GPHN: variants seen among roughly 807,000 people sequenced by gnomAD.
GPHN encodes gephyrin.
Under a neutral mutation model 95.5 loss-of-function variants are expected in GPHN, and 17 were observed. The ratio of observed to expected loss-of-function variants is 0.18; its 90% CI spans 0.12 to 0.27. The LOEUF (loss-of-function observed/expected upper bound fraction) is 0.27. Among genes scored for constraint, GPHN ranks in the 10% least tolerant of loss-of-function variants. The pLI, the probability that GPHN is intolerant of heterozygous loss-of-function variation, is 1.00. For synonymous variants in GPHN, 320 were observed against 322.5 expected (o/e 0.99, Z 0.08); for missense variants, 660 against 978.1 (o/e 0.67, Z 4.34).
At chr14:67,301,271 T>C in the GPHN span, 2 of 506,794 alleles carry the variant, frequency 3.9e-6, no homozygotes, top group Non-Finnish European at 6.9e-6. Flanking sequence ...TTAGTGATTT[T>C]ATTTCTTACA....
At chr14:67,004,604 G>A (rs540226692) in intron 9 of GPHN, among the ~76,000 whole-genome samples, 15 of 151,804 alleles carry the variant, frequency 9.9e-5, no homozygotes, top group Middle Eastern at 3.4e-3. Flanking sequence ...AAGTCTGTAG[G>A]AAAATCACCA....
At chr14:66,573,543 C>T (rs977598313) in intron 1 of GPHN, among the ~76,000 whole-genome samples, 5 of 150,712 alleles carry the variant, frequency 3.3e-5, no homozygotes, top group African/African-American at 1.2e-4. Flanking sequence ...ACCTCTGCCT[C>T]TTGGGTTCAA....
intron 9 of GPHN, among the ~76,000 whole-genome samples, chr14:66,977,667 A>G (rs1463828739): frequency 6.6e-6 from 1 of 152,208 alleles, no homozygotes; most frequent in Non-Finnish European, 1.5e-5. Context: ...ATTTAATGAC[A>G]TGAGAAAATG....
chr14:67,028,850 C>G (rs1201484206), intron 10 of GPHN, among the ~76,000 whole-genome samples: 1 of 152,214 alleles, frequency 6.6e-6, no homozygotes, highest in African/African-American at 2.4e-5. Context: ...TTTTGCTGTG[C>G]AGAAGCTTTT....
At chr14:67,730,384 G>A in the GPHN span, among the ~76,000 whole-genome samples, 1 of 152,170 alleles carries the variant, frequency 6.6e-6, no homozygotes, top group South Asian at 2.1e-4. Context: ...GTGCATACCA[G>A]ATTTTTGAAG....
chr14:67,695,305 G>A, the GPHN span, among the ~76,000 whole-genome samples: 1 of 152,186 alleles, frequency 6.6e-6, no homozygotes, highest in Non-Finnish European at 1.5e-5. Flanking sequence ...ATATCCCATT[G>A]AAGAGTCCGA....
intron 2 of GPHN, among the ~76,000 whole-genome samples, chr14:66,729,177 G>A (rs2071530599): frequency 6.6e-6 from 1 of 152,080 alleles, no homozygotes; most frequent in Non-Finnish European, 1.5e-5. Flanking sequence ...ACATCAAACT[G>A]TAAGTCCATT....
chr14:66,878,783 T>A (rs1253902168), intron 4 of GPHN, among the ~76,000 whole-genome samples: 1 of 152,206 alleles, frequency 6.6e-6, no homozygotes, highest in Non-Finnish European at 1.5e-5. Flanking sequence ...GTAAATTAAT[T>A]CAACCATTGT....
the GPHN span, chr14:67,208,350 T>C: frequency 5.6e-6 from 9 of 1,613,784 alleles, no homozygotes; most frequent in Non-Finnish European, 7.6e-6. Context: ...TTGACCCCAG[T>C]AGAAAGTGAG....
chr14:66,853,274 A>G (rs2062669507), intron 4 of GPHN, among the ~76,000 whole-genome samples: 1 of 152,224 alleles, frequency 6.6e-6, no homozygotes, highest in Non-Finnish European at 1.5e-5. Context: ...AGTAAAGCAC[A>G]TCTGCATTTT....
Position 66,897,639 on chromosome 14 carries a change from G to A in GPHN, c.389+17606G>A, listed in dbSNP as rs183600901. Among the ~76,000 whole-genome samples, 29 of 152,080 alleles carry A rather than the reference G, an allele frequency of 1.9e-4. 1 individual carries two copies. The East Asian group carries it at 3.7e-3, about 19-fold the overall frequency. On this transcript the variant is annotated intron_variant, in intron 5 of 22. Coordinates refer to ENST00000478722, the MANE Select transcript of GPHN (RefSeq NM_020806.5). Reference sequence around the variant, plus strand: ...ATTAAGCATAATTTCCTGGAGATTCGACTAAATTGTTACATGGATCAATAA... The same window carrying A: ...ATTAAGCATAATTTCCTGGAGATTCAACTAAATTGTTACATGGATCAATAA...
At chr14:67,541,959 A>G in the GPHN span, 60 of 1,607,784 alleles carry the variant, frequency 3.7e-5, no homozygotes, top group Non-Finnish European at 5.0e-5. Context: ...TTCCGCCTAC[A>G]GGCCAGCAAG....
At chr14:67,635,548 AT>A in the GPHN span, among the ~76,000 whole-genome samples, 1 of 152,186 alleles carries the variant, frequency 6.6e-6, no homozygotes, top group African/African-American at 2.4e-5. Context: ...TAGCAGTCAC[AT>A]CCCTTTAAAA....
chr14:67,056,230 G>A (rs964157600), intron 10 of GPHN, among the ~76,000 whole-genome samples: 4 of 152,186 alleles, frequency 2.6e-5, no homozygotes, highest in African/African-American at 9.7e-5. Flanking sequence ...TTGCTGATTG[G>A]TGCGTTTACA....
the GPHN span, among the ~76,000 whole-genome samples, chr14:67,326,120 C>T: frequency 8.0e-5 from 12 of 150,368 alleles, no homozygotes; most frequent in South Asian, 1.1e-3. Context: ...CCACCGTGCC[C>T]GGCCAGCATC....
chr14:67,193,560 T>A, the GPHN span, among the ~76,000 whole-genome samples: 16 of 144,746 alleles, frequency 1.1e-4, no homozygotes, highest in South Asian at 3.4e-3. Flanking sequence ...TATATAGATC[T>A]ATATCTATAT....
At chr14:67,489,086 T>C in the GPHN span, among the ~76,000 whole-genome samples, 14 of 152,262 alleles carry the variant, frequency 9.2e-5, no homozygotes, top group Non-Finnish European at 1.3e-4. Flanking sequence ...TCTTGGAACA[T>C]ATGAATGAAT....
chr14:67,035,273 G>A (rs2074366732), intron 10 of GPHN, among the ~76,000 whole-genome samples: 1 of 151,860 alleles, frequency 6.6e-6, no homozygotes, highest in African/African-American at 2.4e-5. Context: ...TATATTAGTG[G>A]CATGTACTTT....
chr14:67,041,287 A>T (rs1260313782), intron 10 of GPHN, among the ~76,000 whole-genome samples: 1 of 151,730 alleles, frequency 6.6e-6, no homozygotes, highest in Non-Finnish European at 1.5e-5. Context: ...TTACATAGGT[A>T]TACACGTGCC....
Sources: gnomAD v4.1 joint callset for allele counts (sites outside exome capture counted in the v4.1 genomes callset) on GRCh38, gnomAD v4.1.1 for gene constraint, MANE v1.5 for transcripts, NCBI Gene and HGNC (gene_info 2026-07-23, HGNC 2026-07-21) for gene names.